KCNK3: variants seen among roughly 807,000 people sequenced by gnomAD.
The protein encoded by KCNK3 is potassium channel subfamily K member 3.
Under a neutral mutation model 27.3 loss-of-function variants are expected in KCNK3, and 9 were observed. The observed-to-expected ratio is 0.33, with a 90% CI of 0.20 to 0.57. The LOEUF is 0.57. Among genes scored for constraint, KCNK3 ranks in the 20% least tolerant of loss-of-function variants. KCNK3 has a pLI of 0.87. For synonymous variants in KCNK3, 278 were observed against 273.8 expected (o/e 1.02, Z -0.15); for missense variants, 391 against 577.7 (o/e 0.68, Z 3.31).
chr2:26,718,424 C>T (rs1231174682), intron 1 of KCNK3, among the ~76,000 whole-genome samples: 1 of 152,152 alleles, frequency 6.6e-6, no homozygotes, highest in Non-Finnish European at 1.5e-5. Context: ...AGAACTTGTG[C>T]TGTTTTTAGG....
At chr2:26,703,129 G>C (rs963360152) in intron 1 of KCNK3, among the ~76,000 whole-genome samples, 1 of 152,076 alleles carries the variant, frequency 6.6e-6, no homozygotes, top group Non-Finnish European at 1.5e-5. Flanking sequence ...AACAAAAGAA[G>C]GGCAGGCCGG....
At chr2:26,705,895 G>A (rs1052627385) in intron 1 of KCNK3, among the ~76,000 whole-genome samples, 5 of 152,118 alleles carry the variant, frequency 3.3e-5, no homozygotes, top group Admixed American at 2.0e-4. Context: ...CAGGTCAGAC[G>A]GCCCTTGTGT....
At chr2:26,710,053 G>T (rs995251749) in intron 1 of KCNK3, among the ~76,000 whole-genome samples, 2 of 152,194 alleles carry the variant, frequency 1.3e-5, no homozygotes, top group Non-Finnish European at 2.9e-5. Context: ...GATCCTGCAC[G>T]TCTGTCCTCT....
At chr2:26,702,273 C>T (rs1275846107) in intron 1 of KCNK3, among the ~76,000 whole-genome samples, 1 of 152,168 alleles carries the variant, frequency 6.6e-6, no homozygotes, top group Non-Finnish European at 1.5e-5. Flanking sequence ...CACCCTGCTG[C>T]AGGCTACAGT....
At chr2:26,724,855 G>A (rs765674337) in intron 1 of KCNK3, among the ~76,000 whole-genome samples, 2 of 152,122 alleles carry the variant, frequency 1.3e-5, no homozygotes, top group African/African-American at 2.4e-5. Flanking sequence ...TAGGAGAGGC[G>A]AAGGAGGGCC....
At chr2:26,711,084 G>C (rs1008267726) in intron 1 of KCNK3, among the ~76,000 whole-genome samples, 5 of 152,176 alleles carry the variant, frequency 3.3e-5, no homozygotes, top group African/African-American at 1.2e-4. Context: ...CTCCAGGGGG[G>C]TTCTTGCTGC....
Position 26,730,680 on chromosome 2 carries a change from C to T in KCNK3, c.*2112C>T, listed in dbSNP as rs1231275540. ...GGACCCCTGGGGGGAAGAAGTCTAC[C>T]CTGCTTGTGAGTCCCGTCTCAGTGT... On this transcript the variant is annotated 3_prime_UTR_variant, in exon 2 of 2. Coordinates refer to ENST00000302909, the MANE Select transcript of KCNK3 (RefSeq NM_002246.3). 2 of 152,260 alleles carry T rather than the reference C, an allele frequency of 1.3e-5. No individual in the cohort carries two copies. Among genetic ancestry groups the T allele is most frequent in the African/African-American group, 4.8e-5 (2 of 41,436 alleles). The allele number at this position is 152,260 out of a possible 1,614,324, so 9.4% of individuals were successfully genotyped here. A position where few individuals can be genotyped will look rare whatever the true frequency, so the allele number is the denominator to read the frequency against.
intron 1 of KCNK3, among the ~76,000 whole-genome samples, chr2:26,704,586 A>G (rs1670347872): frequency 6.6e-6 from 1 of 152,114 alleles, no homozygotes; most frequent in South Asian, 2.1e-4. Context: ...TCTCCAGGGA[A>G]CTGAACTGTC....
At chr2:26,727,619 G>A (rs375669658) in intron 1 of KCNK3, 48 bp from the exon 2 acceptor site, 3 of 1,511,482 alleles carry the variant, frequency 2.0e-6, no homozygotes, top group Non-Finnish European at 2.7e-6. Flanking sequence ...TTCTGGAAGG[G>A]CAGCCCCAAA....
Position 26,729,885 on chromosome 2 carries a change from T to A in KCNK3, c.*1317T>A, listed in dbSNP as rs1055862769. 6.6e-6 allele frequency: 1 copy of A among 151,936 alleles called. No homozygotes were observed. The highest frequency in any genetic ancestry group is 1.5e-5 in the Non-Finnish European group (1 of 68,106). 9.4% of individuals were successfully genotyped at this position (151,936 alleles called of 1,614,324 possible). A position where few individuals can be genotyped will look rare whatever the true frequency, so the allele number is the denominator to read the frequency against. On this transcript the variant is annotated 3_prime_UTR_variant, in exon 2 of 2. Transcript: ENST00000302909. ...GGGAGACAAGAGCCCAGCCTGCTTG[T>A]TGCTAGCCAAAGTGTTCTTTCCTTC...
chr2:26,709,994 G>A (rs541690839), intron 1 of KCNK3, among the ~76,000 whole-genome samples: 6 of 152,292 alleles, frequency 3.9e-5, no homozygotes, highest in Admixed American at 6.5e-5. Context: ...GCTTCCAGCC[G>A]TCTTGGCCTC....
At chr2:26,716,502 G>A (rs1457881396) in intron 1 of KCNK3, among the ~76,000 whole-genome samples, 2 of 152,166 alleles carry the variant, frequency 1.3e-5, no homozygotes, top group Non-Finnish European at 2.9e-5. Flanking sequence ...TTAGGTGGGT[G>A]AGATCAGGGA....
chr2:26,723,772 T>G (rs898025102), intron 1 of KCNK3, among the ~76,000 whole-genome samples: 1 of 152,180 alleles, frequency 6.6e-6, no homozygotes, highest in Admixed American at 6.5e-5. Flanking sequence ...TATGTTGGAT[T>G]CAGGGAGAGG....
At chr2:26,724,239 A>G (rs1663371997) in intron 1 of KCNK3, among the ~76,000 whole-genome samples, 1 of 152,232 alleles carries the variant, frequency 6.6e-6, no homozygotes, top group African/African-American at 2.4e-5. Flanking sequence ...GGGCACCCTA[A>G]GCCGGATACT....
In KCNK3 at chr2:26,728,486, G is replaced by C; in HGVS notation, c.1103G>C (p.Arg368Pro). The change falls in exon 2 of 2, where the codon CGC becomes CCC. Residue 368 changes from arginine (R) to proline (P), a missense_variant. Transcript: ENST00000302909. The stretch of plus-strand genomic sequence containing the variant: ...CGCTGCCTGTGCAGCGGGGCGCCAC[G>C]CTCCGCCATCAGCTCGGTGTCCACG... Reference protein sequence around the residue: ...SRRCLCSGAPRSAISSVSTGL... With the variant: ...SRRCLCSGAPPSAISSVSTGL... The C allele has an allele frequency of 6.5e-7, 1 of 1,541,352 alleles. No homozygotes were observed. The highest frequency in any genetic ancestry group is 1.2e-5 in the South Asian group (1 of 81,542).
chr2:26,725,967 G>C (rs1663409157), intron 1 of KCNK3, among the ~76,000 whole-genome samples: 1 of 152,032 alleles, frequency 6.6e-6, no homozygotes, highest in Non-Finnish European at 1.5e-5. Context: ...CCAGGCTCTG[G>C]GCTAAGTGCA....
At chr2:26,706,808 G>A (rs967711628) in intron 1 of KCNK3, among the ~76,000 whole-genome samples, 3 of 152,096 alleles carry the variant, frequency 2.0e-5, no homozygotes, top group Non-Finnish European at 4.4e-5. Flanking sequence ...CAGCTGTGAC[G>A]GGCCAAGGAA....
At chr2:26,695,463 G>C (rs1396824025) in intron 1 of KCNK3, among the ~76,000 whole-genome samples, 1 of 152,154 alleles carries the variant, frequency 6.6e-6, no homozygotes, top group Non-Finnish European at 1.5e-5. Context: ...AGCCTCCCAG[G>C]CCACTGCTCT....
At position 26,696,737 on chromosome 2, in the gene KCNK3, C is replaced by T. The variant is rs922433607; in HGVS notation, c.283+3579C>T. Among the ~76,000 whole-genome samples the T allele has an allele frequency of 2.6e-5, 4 of 152,178 alleles. No homozygotes were observed. The South Asian group carries it at 8.3e-4, about 32-fold the overall frequency. ...CTCCAGGGCCCAAGCCTCATCTATT[C>T]ATAGCTCAGAGGCTGTCAGAGCAGG... On this transcript the variant is annotated intron_variant, in intron 1 of 1. Coordinates refer to ENST00000302909, the MANE Select transcript of KCNK3 (RefSeq NM_002246.3).
Sources: gnomAD v4.1 joint callset for allele counts (sites outside exome capture counted in the v4.1 genomes callset) on GRCh38, gnomAD v4.1.1 for gene constraint, MANE v1.5 for transcripts, NCBI Gene and HGNC (gene_info 2026-07-23, HGNC 2026-07-21) for gene names.